The following NTRK3 variants were observed in gnomAD, a reference collection of about 807,000 sequenced individuals.
NTRK3 encodes the protein neurotrophic receptor tyrosine kinase 3, also known as NT-3 growth factor receptor.
In NTRK3, 24 loss-of-function variants were observed where a neutral mutation model predicts 91.7. The observed-to-expected ratio is 0.26, with a 90% CI of 0.19 to 0.37. The LOEUF is 0.37. NTRK3 is among the 10% of genes least tolerant of loss of function. NTRK3 has a pLI of 1.00. For missense variants in NTRK3, 880 were observed against 1,068.9 expected, an observed-to-expected ratio of 0.82 and a Z score of 2.46; for synonymous variants, 483 against 404.0, an observed-to-expected ratio of 1.20 and a Z score of -2.34.
At chr15:87,938,413 A>T (rs2069500083) in intron 15 of NTRK3, among the ~76,000 whole-genome samples, 1 of 152,200 alleles carries the variant, frequency 6.6e-6, no homozygotes, top group Non-Finnish European at 1.5e-5. Flanking sequence ...GAGGGGAGGA[A>T]GCAGGAAACA....
chr15:88,254,896 A>C (rs1462822438), intron 3 of NTRK3, among the ~76,000 whole-genome samples: 1 of 152,174 alleles, frequency 6.6e-6, no homozygotes, highest in African/African-American at 2.4e-5. Context: ...GGAAGGGGTC[A>C]CCTGGCCGAG....
At chr15:88,103,548 G>A (rs1349169596) in intron 13 of NTRK3, among the ~76,000 whole-genome samples, 1 of 152,122 alleles carries the variant, frequency 6.6e-6, no homozygotes, top group African/African-American at 2.4e-5. Context: ...ACTGCCCATA[G>A]GTTTAACAGT....
At chr15:87,931,324 A>G (rs2068780217) in intron 16 of NTRK3, 2 of 452,544 alleles carry the variant, frequency 4.4e-6, no homozygotes, top group South Asian at 3.3e-5. Context: ...GCTATCCCGA[A>G]TATTGAGAAA....
chr15:87,953,674 G>C (rs530571715), intron 14 of NTRK3, among the ~76,000 whole-genome samples: 1 of 152,252 alleles, frequency 6.6e-6, no homozygotes, highest in Admixed American at 6.5e-5. Flanking sequence ...TCAGCCTCAG[G>C]AACCCACATC....
chr15:87,984,575 G>A (rs2074574515), intron 14 of NTRK3, among the ~76,000 whole-genome samples: 1 of 152,314 alleles, frequency 6.6e-6, no homozygotes, highest in Non-Finnish European at 1.5e-5. Flanking sequence ...TAAACTTTCA[G>A]GTTATTTCTT....
intron 15 of NTRK3, among the ~76,000 whole-genome samples, chr15:87,934,149 A>C (rs1051454732): frequency 4.6e-5 from 7 of 152,182 alleles, no homozygotes; most frequent in Admixed American, 1.3e-4. Context: ...TGCTGGCCAG[A>C]TGGAAAATGG....
intron 13 of NTRK3, among the ~76,000 whole-genome samples, chr15:88,083,824 G>C (rs948593916): frequency 6.6e-6 from 1 of 152,166 alleles, no homozygotes; most frequent in Non-Finnish European, 1.5e-5. Flanking sequence ...CCTAAGACTT[G>C]TAGTAACTTC....
At chr15:88,181,474 G>C (rs2046449216) in intron 5 of NTRK3, among the ~76,000 whole-genome samples, 1 of 152,068 alleles carries the variant, frequency 6.6e-6, no homozygotes, top group African/African-American at 2.4e-5. Context: ...CTGAGCCTGG[G>C]TCCTGAAGCC....
chr15:88,219,342 C>T (rs985110936), intron 3 of NTRK3, among the ~76,000 whole-genome samples: 5 of 152,372 alleles, frequency 3.3e-5, no homozygotes, highest in South Asian at 4.1e-4. Context: ...AACTGACAGC[C>T]CCCTGAAACC....
At chr15:88,196,066 G>A (rs574929456) in intron 3 of NTRK3, among the ~76,000 whole-genome samples, 3 of 152,346 alleles carry the variant, frequency 2.0e-5, no homozygotes, top group South Asian at 2.1e-4. Flanking sequence ...AAGCTCAAGT[G>A]CATTGCATAA....
intron 13 of NTRK3, among the ~76,000 whole-genome samples, chr15:88,108,156 T>C (rs2050913734): frequency 6.6e-6 from 1 of 152,190 alleles, no homozygotes; most frequent in East Asian, 1.9e-4. Flanking sequence ...AAGAAAACAC[T>C]GTGCTCACCA....
chr15:87,936,661 G>A (rs2069309823), intron 15 of NTRK3, among the ~76,000 whole-genome samples: 2 of 151,090 alleles, frequency 1.3e-5, no homozygotes, highest in Non-Finnish European at 2.9e-5. Context: ...AATGTTCAAA[G>A]TCCTAAGTGG....
rs919825759 is a variant in NTRK3, at chr15:88,237,932, A to C, written c.248+17974T>G. The stretch of plus-strand genomic sequence containing the variant: ...TTCCTTTGTTGAAGTCCTAACCCCC[A>C]GTACCTCGGAATGTAACTGTATTTG... On this transcript the variant is annotated intron_variant, in intron 3 of 18. Coordinates refer to ENST00000394480, the Ensembl canonical transcript of NTRK3. This position sits in a 1 kb window ranked among gnomAD's most constrained non-coding sequence, Gnocchi z 4.0. Among the ~76,000 whole-genome samples the C allele has an allele frequency of 6.6e-6, 1 of 152,188 alleles. No homozygotes were observed. The highest frequency in any genetic ancestry group is 1.5e-5 in the Non-Finnish European group (1 of 68,030).
chr15:88,182,925 T>C (rs1051709521), intron 5 of NTRK3, among the ~76,000 whole-genome samples: 9 of 152,040 alleles, frequency 5.9e-5, no homozygotes, highest in Admixed American at 4.6e-4. Context: ...TACACAGGTG[T>C]TTCCACTTCT....
chr15:87,971,801 G>A (rs1464304329), intron 14 of NTRK3, among the ~76,000 whole-genome samples: 1 of 152,094 alleles, frequency 6.6e-6, no homozygotes, highest in African/African-American at 2.4e-5. Context: ...CCCATCCCTA[G>A]AAGAGCACAT....
intron 5 of NTRK3, among the ~76,000 whole-genome samples, chr15:88,174,221 T>C (rs556306653): frequency 6.6e-6 from 1 of 152,260 alleles, no homozygotes; most frequent in South Asian, 2.1e-4. Flanking sequence ...GAGGTCAGGA[T>C]TGGGCCACTT....
At chr15:87,960,560 C>T (rs1445986844) in intron 14 of NTRK3, among the ~76,000 whole-genome samples, 1 of 152,170 alleles carries the variant, frequency 6.6e-6, no homozygotes. Flanking sequence ...TCTCGGCTCA[C>T]AGCAACCTCT....
intron 6 of NTRK3, among the ~76,000 whole-genome samples, chr15:88,139,973 A>C (rs2042237403): frequency 6.6e-6 from 1 of 152,106 alleles, no homozygotes. Context: ...AACAAAGGCA[A>C]AGGGAAGTTG....
In NTRK3 at chr15:88,157,610, C is replaced by T. The variant is rs547948657; in HGVS notation, c.396-10207G>A. Among the ~76,000 whole-genome samples, 15 of 152,166 alleles carry T rather than the reference C, an allele frequency of 9.9e-5. No individual in the cohort carries two copies. The East Asian group carries it at 1.7e-3, about 18-fold the overall frequency. ...GTCAGCACAAACCTTCACGTCTCTG[C>T]GCTGAGGAGCACACTCAGAACCTCG... On this transcript the variant is annotated intron_variant, in intron 5 of 18. Transcript: ENST00000394480.
Sources: gnomAD v4.1 joint callset for allele counts (sites outside exome capture counted in the v4.1 genomes callset) on GRCh38, gnomAD v4.1.1 for gene constraint, Gnocchi (gnomAD v3.1) non-coding constraint, MANE v1.5 for transcripts, NCBI Gene and HGNC (gene_info 2026-07-23, HGNC 2026-07-21) for gene names.